UNC5D: variants seen among roughly 807,000 people sequenced by gnomAD.
UNC5D encodes unc-5 netrin receptor D.
Under a neutral mutation model 105.4 loss-of-function variants are expected in UNC5D, and 39 were observed. The ratio of observed to expected loss-of-function variants is 0.37; its 90% CI spans 0.29 to 0.48. The LOEUF is 0.48. UNC5D is among the 20% of genes least tolerant of loss of function. The probability of loss-of-function intolerance (pLI) is 0.98; values close to 1 mark genes in which losing one functional copy is unlikely to be tolerated. For missense variants in UNC5D, 991 were observed against 1,202.4 expected (o/e 0.82, Z 2.60); for synonymous variants, 452 against 450.4 (o/e 1.00, Z -0.04).
intron 1 of UNC5D, among the ~76,000 whole-genome samples, chr8:35,325,603 C>A (rs1054965863): frequency 6.6e-6 from 1 of 152,144 alleles, no homozygotes; most frequent in Non-Finnish European, 1.5e-5. Flanking sequence ...CTGCTATACA[C>A]TCACCTGAAC....
Position 35,791,453 on chromosome 8 carries a change from C to G in UNC5D, c.*890C>G, listed in dbSNP as rs1803037772. 1 of 152,132 alleles carries G rather than the reference C, an allele frequency of 6.6e-6. No homozygotes were observed. The highest frequency in any genetic ancestry group is 6.6e-5 in the Admixed American group (1 of 15,258). 9.4% of individuals were successfully genotyped at this position (152,132 alleles called of 1,614,324 possible). On this transcript the variant is annotated 3_prime_UTR_variant, in exon 17 of 17. Coordinates refer to ENST00000404895, the MANE Select transcript of UNC5D (RefSeq NM_080872.4). The stretch of plus-strand genomic sequence containing the variant: ...TAAAGCAGGTTCAAAAACACATGAA[C>G]TGCAGATGCCATAGGCCTCAAATCA...
At chr8:35,476,785 G>A (rs1810133459) in intron 1 of UNC5D, among the ~76,000 whole-genome samples, 1 of 152,086 alleles carries the variant, frequency 6.6e-6, no homozygotes. Context: ...TCTTCTCAAA[G>A]CTCAGGCTGG....
At chr8:35,383,290 C>A (rs1803155392) in intron 1 of UNC5D, among the ~76,000 whole-genome samples, 1 of 152,044 alleles carries the variant, frequency 6.6e-6, no homozygotes, top group Non-Finnish European at 1.5e-5. Flanking sequence ...TCCTCCATAC[C>A]CATCACAGAC....
At chr8:35,787,116 A>G (rs1802781534) in intron 16 of UNC5D, among the ~76,000 whole-genome samples, 1 of 152,200 alleles carries the variant, frequency 6.6e-6, no homozygotes, top group African/African-American at 2.4e-5. Flanking sequence ...CCCGAAAACC[A>G]AAAACATTGA....
At chr8:35,704,569 C>G (rs1293628385) in intron 7 of UNC5D, among the ~76,000 whole-genome samples, 1 of 152,166 alleles carries the variant, frequency 6.6e-6, no homozygotes. Context: ...GTCCCCCTAC[C>G]ATTGTGTGAG....
At chr8:35,715,903 T>G (rs1828226486) in intron 8 of UNC5D, among the ~76,000 whole-genome samples, 1 of 151,516 alleles carries the variant, frequency 6.6e-6, no homozygotes, top group Non-Finnish European at 1.5e-5. Flanking sequence ...AGAGGGCAGG[T>G]GAGGAGTAGG....
At chr8:35,386,860 C>T (rs1803429980) in intron 1 of UNC5D, among the ~76,000 whole-genome samples, 1 of 151,882 alleles carries the variant, frequency 6.6e-6, no homozygotes, top group African/African-American at 2.4e-5. Context: ...GCTTACTTTG[C>T]TTTTTTTATT....
chr8:35,297,942 G>A (rs536141444), intron 1 of UNC5D, among the ~76,000 whole-genome samples: 140 of 152,244 alleles, frequency 9.2e-4, no homozygotes, highest in Non-Finnish European at 1.6e-3. Flanking sequence ...ACAGAGAACA[G>A]GACCTGGCCT....
At chr8:35,714,734 A>G (rs1828154782) in intron 8 of UNC5D, among the ~76,000 whole-genome samples, 2 of 152,258 alleles carry the variant, frequency 1.3e-5, no homozygotes. Context: ...AACGACCTTC[A>G]AGAGAACAGT....
intron 1 of UNC5D, among the ~76,000 whole-genome samples, chr8:35,397,379 A>G (rs191592391): frequency 1.7e-3 from 261 of 152,362 alleles, no homozygotes; most frequent in Non-Finnish European, 3.1e-3. Flanking sequence ...GTAAACCTTC[A>G]CAAAATACAA....
At chr8:35,730,963 T>C in intron 10 of UNC5D, 49 bp from the exon 11 acceptor site, 9 of 1,581,518 alleles carry the variant, frequency 5.7e-6, no homozygotes, top group Non-Finnish European at 7.8e-6. Context: ...ACAAACTTCA[T>C]GATAATTGGA....
At chr8:35,441,474 C>T (rs2128984026) in intron 1 of UNC5D, among the ~76,000 whole-genome samples, 1 of 151,792 alleles carries the variant, frequency 6.6e-6, no homozygotes, top group African/African-American at 2.4e-5. Flanking sequence ...CACGGAGGGC[C>T]TTGGAATGTA....
chr8:35,339,345 G>T (rs1811284407), intron 1 of UNC5D, among the ~76,000 whole-genome samples: 2 of 152,174 alleles, frequency 1.3e-5, no homozygotes, highest in Admixed American at 1.3e-4. Context: ...TATATGATGG[G>T]ATTAATTTTA....
chr8:35,685,743 G>A (rs1045303163), intron 6 of UNC5D, among the ~76,000 whole-genome samples: 1 of 152,200 alleles, frequency 6.6e-6, no homozygotes, highest in Non-Finnish European at 1.5e-5. Context: ...ACTCGCCCAG[G>A]ATTGCTCAGC....
intron 1 of UNC5D, among the ~76,000 whole-genome samples, chr8:35,252,054 C>T (rs1056180324): frequency 1.7e-4 from 22 of 132,044 alleles, no homozygotes; most frequent in Admixed American, 2.5e-4. Context: ...GATGGAGTCT[C>T]ACTGTTGCCC....
intron 1 of UNC5D, among the ~76,000 whole-genome samples, chr8:35,288,649 G>A (rs1411312788): frequency 6.6e-6 from 1 of 152,102 alleles, no homozygotes; most frequent in African/African-American, 2.4e-5. Context: ...AACAACTATA[G>A]CTAGAATAAA....
intron 1 of UNC5D, among the ~76,000 whole-genome samples, chr8:35,325,300 C>A (rs1810063975): frequency 6.6e-6 from 1 of 152,134 alleles, no homozygotes; most frequent in South Asian, 2.1e-4. Context: ...TTTAAAAAGA[C>A]TTAACTTGAT....
At position 35,785,140 on chromosome 8, in the gene UNC5D, T is replaced by C. The variant is rs555696567; in HGVS notation, c.2658-5219T>C. ...CTGTTTTGTAGTACTGTATTAACAATGTTCCCTGAATGGTGTGTGCATTTA... is the reference window on the plus strand; with the variant it reads ...CTGTTTTGTAGTACTGTATTAACAACGTTCCCTGAATGGTGTGTGCATTTA... On this transcript the variant is annotated intron_variant, in intron 16 of 16. Coordinates refer to ENST00000404895, the MANE Select transcript of UNC5D (RefSeq NM_080872.4). Among the ~76,000 whole-genome samples the C allele has an allele frequency of 1.3e-3, 194 of 152,148 alleles. 1 individual carries two copies. Among genetic ancestry groups the C allele is most frequent in the Non-Finnish European group, 1.2e-3 (82 of 67,996 alleles).
intron 4 of UNC5D, among the ~76,000 whole-genome samples, chr8:35,641,366 C>CAAAAAAAAAAAAAAAAGA (rs1822707531): frequency 2.3e-5 from 1 of 44,292 alleles, no homozygotes; most frequent in African/African-American, 8.5e-5. Flanking sequence ...AAAAATAAAG[C>CAAAAAAAAAAAAAAAAGA]AAAAAAAAAA....
Sources: gnomAD v4.1 joint callset for allele counts (sites outside exome capture counted in the v4.1 genomes callset) on GRCh38, gnomAD v4.1.1 for gene constraint, MANE v1.5 for transcripts, NCBI Gene and HGNC (gene_info 2026-07-23, HGNC 2026-07-21) for gene names.